The following FRMD5 variants were observed in gnomAD, a reference collection of about 807,000 sequenced individuals.
FRMD5 encodes the protein FERM domain-containing protein 5.
A neutral mutation model predicts 69.0 loss-of-function variants in FRMD5; 20 were observed. The observed-to-expected ratio is 0.29, with a 90% CI of 0.20 to 0.42. The LOEUF (loss-of-function observed/expected upper bound fraction) is 0.42. FRMD5 is among the 10% of genes least tolerant of loss of function. The pLI is 1.00. For synonymous variants in FRMD5, 271 were observed against 260.1 expected (o/e 1.04, Z -0.40); for missense variants, 595 against 708.6 (o/e 0.84, Z 1.82).
chr15:43,894,699 C>G (rs993280755), intron 7 of FRMD5, among the ~76,000 whole-genome samples: 1 of 151,986 alleles, frequency 6.6e-6, no homozygotes, highest in South Asian at 2.1e-4. Context: ...CAGCGGAGGG[C>G]CCCCCTCTGC....
At chr15:44,061,259 A>T (rs1263761195) in intron 1 of FRMD5, among the ~76,000 whole-genome samples, 1 of 152,194 alleles carries the variant, frequency 6.6e-6, no homozygotes, top group Non-Finnish European at 1.5e-5. Context: ...TATCATAGTT[A>T]CTTAACTCTG....
chr15:44,043,411 T>C (rs1012522054), intron 1 of FRMD5, among the ~76,000 whole-genome samples: 4 of 152,190 alleles, frequency 2.6e-5, no homozygotes, highest in African/African-American at 4.8e-5. Flanking sequence ...CTTCACAGAA[T>C]TGGAAAAAAC....
intron 1 of FRMD5, among the ~76,000 whole-genome samples, chr15:43,945,527 G>A (rs1013606110): frequency 1.3e-5 from 2 of 152,102 alleles, no homozygotes; most frequent in Non-Finnish European, 2.9e-5. Flanking sequence ...ATATCATTAT[G>A]AATGAAGTAG....
At chr15:44,128,461 G>C (rs1290825327) in intron 1 of FRMD5, among the ~76,000 whole-genome samples, 1 of 152,140 alleles carries the variant, frequency 6.6e-6, no homozygotes, top group Non-Finnish European at 1.5e-5. Flanking sequence ...TGGGTGACAA[G>C]AGCAAAATTC....
intron 1 of FRMD5, among the ~76,000 whole-genome samples, chr15:44,026,018 C>A (rs1002978734): frequency 1.5e-4 from 23 of 152,180 alleles, no homozygotes; most frequent in Non-Finnish European, 4.4e-5. Flanking sequence ...CACTCTGTCA[C>A]CCAGGCTAGA....
At chr15:43,989,578 G>A in intron 1 of FRMD5, 3 of 857,642 alleles carry the variant, frequency 3.5e-6, no homozygotes, top group South Asian at 2.6e-5. Context: ...GCTTGGCTGT[G>A]GCGGTGAAGA....
chr15:43,888,309 A>G, intron 9 of FRMD5, 43 bp from the exon 10 acceptor site: 1 of 1,398,554 alleles, frequency 7.2e-7, no homozygotes, highest in Non-Finnish European at 1.0e-6. Context: ...GTGGATGGAG[A>G]AGCAAAGGGT....
intron 1 of FRMD5, among the ~76,000 whole-genome samples, chr15:44,150,450 A>T (rs552002010): frequency 6.6e-6 from 1 of 151,880 alleles, no homozygotes; most frequent in African/African-American, 2.4e-5. Flanking sequence ...ACCTGCTACA[A>T]CTAATAAATG....
At chr15:44,050,862 C>T (rs1248791605) in intron 1 of FRMD5, among the ~76,000 whole-genome samples, 4 of 151,240 alleles carry the variant, frequency 2.6e-5, no homozygotes, top group South Asian at 2.1e-4. Flanking sequence ...TTCACCATGC[C>T]GGCCAGGCTG....
At chr15:43,979,312 G>A (rs1349470315) in intron 1 of FRMD5, among the ~76,000 whole-genome samples, 1 of 150,488 alleles carries the variant, frequency 6.6e-6, no homozygotes, top group Non-Finnish European at 1.5e-5. Flanking sequence ...TCCAGCCTGG[G>A]CTATAAGAGT....
At chr15:44,157,467 T>C (rs530627179) in intron 1 of FRMD5, among the ~76,000 whole-genome samples, 19 of 152,330 alleles carry the variant, frequency 1.2e-4, no homozygotes, top group South Asian at 6.2e-4. Context: ...TGTAGTATCC[T>C]ACAGGTAGTA....
intron 1 of FRMD5, among the ~76,000 whole-genome samples, chr15:44,008,832 C>T (rs1446374671): frequency 6.6e-6 from 1 of 151,990 alleles, no homozygotes; most frequent in Non-Finnish European, 1.5e-5. Flanking sequence ...CGACACCATC[C>T]TGGCTAACAC....
chr15:44,044,118 A>C (rs1293221418), intron 1 of FRMD5, among the ~76,000 whole-genome samples: 3 of 152,248 alleles, frequency 2.0e-5, no homozygotes, highest in Non-Finnish European at 4.4e-5. Flanking sequence ...AAGGATATGA[A>C]CAGACACTTC....
chr15:44,166,031 A>G (rs1160108460), intron 1 of FRMD5, among the ~76,000 whole-genome samples: 1 of 152,174 alleles, frequency 6.6e-6, no homozygotes, highest in Non-Finnish European at 1.5e-5. Context: ...GATTCCTAGG[A>G]GTTAACTTGC....
intron 1 of FRMD5, among the ~76,000 whole-genome samples, chr15:44,173,808 A>G (rs2077846934): frequency 6.6e-6 from 1 of 152,272 alleles, no homozygotes; most frequent in Non-Finnish European, 1.5e-5. Flanking sequence ...GCTGCCGCAT[A>G]TGGCTGAAAA....
chr15:44,159,798 C>G (rs1258791728), intron 1 of FRMD5, among the ~76,000 whole-genome samples: 1 of 152,180 alleles, frequency 6.6e-6, no homozygotes, highest in Non-Finnish European at 1.5e-5. Context: ...CTTCAAGGCC[C>G]AGGCAACAAA....
intron 4 of FRMD5, among the ~76,000 whole-genome samples, chr15:43,918,055 C>G (rs530598515): frequency 1.3e-5 from 2 of 152,336 alleles, no homozygotes; most frequent in Admixed American, 1.3e-4. Flanking sequence ...TGGCCCCCTC[C>G]TCTCCCCATT....
chr15:44,042,896 C>T (rs1037914587), intron 1 of FRMD5, among the ~76,000 whole-genome samples: 1 of 152,202 alleles, frequency 6.6e-6, no homozygotes, highest in Non-Finnish European at 1.5e-5. Context: ...CTCACCATTC[C>T]TATTCAACAT....
intron 1 of FRMD5, among the ~76,000 whole-genome samples, chr15:44,193,071 A>G (rs946503879): frequency 6.6e-6 from 1 of 152,214 alleles, no homozygotes; most frequent in Non-Finnish European, 1.5e-5. Flanking sequence ...CCACAATTAT[A>G]ATACCAATCA....
Sources: gnomAD v4.1 joint callset for allele counts (sites outside exome capture counted in the v4.1 genomes callset) on GRCh38, gnomAD v4.1.1 for gene constraint, MANE v1.5 for transcripts, NCBI Gene and HGNC (gene_info 2026-07-23, HGNC 2026-07-21) for gene names.